Variants in XYLT1 observed in about 807,000 individuals in gnomAD.
The protein encoded by XYLT1 is xylosyltransferase 1.
In XYLT1, 36 loss-of-function variants were observed where a neutral mutation model predicts 91.3. The observed-to-expected ratio is 0.39, with a 90% CI of 0.30 to 0.52. The LOEUF (loss-of-function observed/expected upper bound fraction) is 0.52. Among genes scored for constraint, XYLT1 ranks in the 20% least tolerant of loss-of-function variants. XYLT1 has a pLI of 0.68. For synonymous variants in XYLT1, 588 were observed against 532.0 expected (o/e 1.11, Z -1.45); for missense variants, 1,242 against 1,284.5 (o/e 0.97, Z 0.51).
chr16:17,434,612 T>C (rs921769143), intron 1 of XYLT1, among the ~76,000 whole-genome samples: 1 of 152,018 alleles, frequency 6.6e-6, no homozygotes, highest in Non-Finnish European at 1.5e-5. Context: ...ATCCCAAAAC[T>C]TGGGGAGGCC....
At chr16:17,284,486 G>A (rs1311312530) in intron 2 of XYLT1, among the ~76,000 whole-genome samples, 1 of 152,222 alleles carries the variant, frequency 6.6e-6, no homozygotes, top group Non-Finnish European at 1.5e-5. Context: ...AGACAGGAGA[G>A]AGGCAGCGGA....
At chr16:17,393,571 A>G (rs2035847022) in intron 1 of XYLT1, among the ~76,000 whole-genome samples, 1 of 152,026 alleles carries the variant, frequency 6.6e-6, no homozygotes, top group South Asian at 2.1e-4. Context: ...CTCAATGTAG[A>G]TGCTAAATGT....
At chr16:17,211,998 T>G (rs1385431280) in intron 3 of XYLT1, among the ~76,000 whole-genome samples, 2 of 152,212 alleles carry the variant, frequency 1.3e-5, no homozygotes, top group Admixed American at 1.3e-4. Context: ...CATTCATTGA[T>G]GTGTGTCCCC....
At chr16:17,314,723 C>T (rs2034600307) in intron 2 of XYLT1, among the ~76,000 whole-genome samples, 1 of 152,164 alleles carries the variant, frequency 6.6e-6, no homozygotes, top group South Asian at 2.1e-4. Context: ...AGAAACTTGA[C>T]AAACCAAAGC....
chr16:17,312,469 A>T lies in XYLT1; in HGVS notation c.402+45543T>A, dbSNP rs983408024. ...ATTAACATGTTTTTCTTTCTAACTTAAAAAAATAATAATTATAGACTCACA... is the reference window on the plus strand; with the variant it reads ...ATTAACATGTTTTTCTTTCTAACTTTAAAAAATAATAATTATAGACTCACA... On this transcript the variant is annotated intron_variant, in intron 2 of 11. Transcript: ENST00000261381. This position sits in a 1 kb window ranked among gnomAD's most constrained non-coding sequence, Gnocchi z 4.4. Among the ~76,000 whole-genome samples, 3 of 152,140 alleles carry T rather than the reference A, an allele frequency of 2.0e-5. No individual in the cohort carries two copies. The highest frequency in any genetic ancestry group is 4.8e-5 in the African/African-American group (2 of 41,430).
At chr16:17,166,433 G>A (rs941828617) in intron 5 of XYLT1, among the ~76,000 whole-genome samples, 5 of 152,060 alleles carry the variant, frequency 3.3e-5, no homozygotes, top group African/African-American at 9.7e-5. Flanking sequence ...GTAGAGGCCC[G>A]GTATGCAGGG....
intron 2 of XYLT1, among the ~76,000 whole-genome samples, chr16:17,348,262 C>T (rs528312005): frequency 1.3e-4 from 20 of 152,246 alleles, no homozygotes; most frequent in South Asian, 8.3e-4. Flanking sequence ...GGATCTTCCA[C>T]GCTGAGCCTC....
intron 5 of XYLT1, among the ~76,000 whole-genome samples, chr16:17,188,827 C>T (rs2032246216): frequency 6.6e-6 from 1 of 152,114 alleles, no homozygotes; most frequent in South Asian, 2.1e-4. Context: ...ATTATTATGC[C>T]CATTTTACAG....
At chr16:17,404,063 A>G (rs972793049) in intron 1 of XYLT1, among the ~76,000 whole-genome samples, 2 of 151,624 alleles carry the variant, frequency 1.3e-5, no homozygotes, top group Admixed American at 6.6e-5. Flanking sequence ...GACAGATTCA[A>G]TGTGCATAAC....
intron 3 of XYLT1, among the ~76,000 whole-genome samples, chr16:17,210,947 C>G (rs926193485): frequency 6.6e-6 from 1 of 152,212 alleles, no homozygotes; most frequent in East Asian, 1.9e-4. Flanking sequence ...CAGCAGGTAA[C>G]AGGAGTGCCC....
At chr16:17,340,129 A>G (rs1293626582) in intron 2 of XYLT1, among the ~76,000 whole-genome samples, 2 of 130,474 alleles carry the variant, frequency 1.5e-5, no homozygotes, top group African/African-American at 5.1e-5. Flanking sequence ...GTATCCACTC[A>G]TCCCTCTATC....
At chr16:17,206,313 G>T (rs1163032639) in intron 3 of XYLT1, among the ~76,000 whole-genome samples, 3 of 152,040 alleles carry the variant, frequency 2.0e-5, no homozygotes, top group African/African-American at 7.2e-5. Context: ...CTTTATCCTA[G>T]TGGGAAATTT....
At chr16:17,331,096 A>G (rs184874368) in intron 2 of XYLT1, among the ~76,000 whole-genome samples, 3 of 152,352 alleles carry the variant, frequency 2.0e-5, no homozygotes, top group Admixed American at 6.5e-5. Flanking sequence ...GCTTTTCCCA[A>G]TATCTCCTCC....
chr16:17,464,580 C>T lies in XYLT1; in HGVS notation c.363+5854G>A, dbSNP rs562537099. Among the ~76,000 whole-genome samples, 262 of 151,706 alleles carry T rather than the reference C, an allele frequency of 1.7e-3. 2 individuals carry two copies. The highest frequency in any genetic ancestry group is 6.1e-3 in the African/African-American group (254 of 41,356). ...ATAAATGTTGGCGGTAATGAATATCCCAATTACTTTAAGTTAATCATTACA... is the reference window on the plus strand; with the variant it reads ...ATAAATGTTGGCGGTAATGAATATCTCAATTACTTTAAGTTAATCATTACA... On this transcript the variant is annotated intron_variant, in intron 1 of 11. Coordinates refer to ENST00000261381, the MANE Select transcript of XYLT1 (RefSeq NM_022166.4).
chr16:17,253,792 A>G (rs1396239409), intron 3 of XYLT1, among the ~76,000 whole-genome samples: 3 of 150,442 alleles, frequency 2.0e-5, no homozygotes, highest in Non-Finnish European at 4.4e-5. Context: ...TGGCTTCCCA[A>G]TAATGCCCTG....
chr16:17,427,619 C>T (rs1417574620), intron 1 of XYLT1, among the ~76,000 whole-genome samples: 1 of 152,150 alleles, frequency 6.6e-6, no homozygotes, highest in East Asian at 1.9e-4. Flanking sequence ...ACCCCACATC[C>T]CCAACACAAG....
intron 1 of XYLT1, among the ~76,000 whole-genome samples, chr16:17,421,683 G>A (rs575567397): frequency 6.6e-6 from 1 of 152,154 alleles, no homozygotes; most frequent in Non-Finnish European, 1.5e-5. Context: ...TCTTAGAAGT[G>A]GATCCTCCAG....
At chr16:17,269,716 CT>C (rs1436717716) in intron 2 of XYLT1, among the ~76,000 whole-genome samples, 1 of 152,132 alleles carries the variant, frequency 6.6e-6, no homozygotes. Flanking sequence ...TCCCTTCCTG[CT>C]TTTGGTAATT....
chr16:17,315,128 T>C (rs2034608341), intron 2 of XYLT1, among the ~76,000 whole-genome samples: 1 of 152,186 alleles, frequency 6.6e-6, no homozygotes, highest in African/African-American at 2.4e-5. Flanking sequence ...GAGGAAGATT[T>C]AGAGACTACA....
Sources: allele counts gnomAD v4.1 joint callset (sites outside exome capture counted in the v4.1 genomes callset), GRCh38; gene constraint gnomAD v4.1.1; non-coding constraint Gnocchi (gnomAD v3.1); transcripts MANE v1.5; gene names NCBI Gene and HGNC (gene_info 2026-07-23, HGNC 2026-07-21).